C12orf42: variants seen among roughly 807,000 people sequenced by gnomAD.
C12orf42 encodes uncharacterized protein C12orf42.
In C12orf42, 25 loss-of-function variants were observed where a neutral mutation model predicts 21.6. The ratio of observed to expected loss-of-function variants is 1.16; its 90% CI spans 0.84 to 1.62. The LOEUF (loss-of-function observed/expected upper bound fraction) is 1.62, where lower values mean the gene tolerates loss of function less well. Among genes scored for constraint, C12orf42 ranks in the 40% most tolerant of loss-of-function variants. C12orf42 has a pLI of 0.00. For synonymous variants in C12orf42, 174 were observed against 175.0 expected (o/e 0.99, Z 0.05); for missense variants, 483 against 459.3 (o/e 1.05, Z -0.47).
At chr12:103,143,001 C>T in the C12orf42 span, among the ~76,000 whole-genome samples, 1 of 152,086 alleles carries the variant, frequency 6.6e-6, no homozygotes, top group Non-Finnish European at 1.5e-5. Flanking sequence ...ACAAAGGGGG[C>T]AAGGTTGGAG....
intron 2 of C12orf42, among the ~76,000 whole-genome samples, chr12:103,467,302 G>A (rs981527962): frequency 6.6e-6 from 1 of 152,086 alleles, no homozygotes; most frequent in African/African-American, 2.4e-5. Context: ...TTGCAACTTA[G>A]AATATCCTTC....
At chr12:103,089,511 A>T in the C12orf42 span, among the ~76,000 whole-genome samples, 2 of 151,456 alleles carry the variant, frequency 1.3e-5, no homozygotes, top group Non-Finnish European at 2.9e-5. Context: ...CGGTAATGAG[A>T]CTCCAATATT....
At chr12:103,352,518 GT>G (rs762709055) in intron 4 of C12orf42, among the ~76,000 whole-genome samples, 2 of 152,012 alleles carry the variant, frequency 1.3e-5, no homozygotes, top group Non-Finnish European at 2.9e-5. Flanking sequence ...TTCAATAAGG[GT>G]TTTCTAACTA....
intron 2 of C12orf42, among the ~76,000 whole-genome samples, chr12:103,439,668 C>T (rs1951043658): frequency 6.6e-6 from 1 of 151,664 alleles, no homozygotes; most frequent in African/African-American, 2.4e-5. Context: ...TGCTCATCAT[C>T]ACTGGCCATC....
chr12:103,080,859 C>T, the C12orf42 span: 1 of 152,094 alleles, frequency 6.6e-6, no homozygotes, highest in African/African-American at 2.4e-5. Context: ...TAATTATAAT[C>T]ACAGTTTTCA....
intron 4 of C12orf42, among the ~76,000 whole-genome samples, chr12:103,357,559 T>C (rs1049212366): frequency 1.3e-5 from 2 of 152,052 alleles, no homozygotes; most frequent in African/African-American, 4.8e-5. Flanking sequence ...AAACTCCTTC[T>C]TTGATCATTG....
chr12:103,175,604 GA>G, the C12orf42 span, among the ~76,000 whole-genome samples: 3 of 151,688 alleles, frequency 2.0e-5, no homozygotes, highest in Admixed American at 6.6e-5. Context: ...AATCCAAAGG[GA>G]AAAAAAATGG....
chr12:103,146,781 C>T, the C12orf42 span, among the ~76,000 whole-genome samples: 1 of 152,020 alleles, frequency 6.6e-6, no homozygotes, highest in African/African-American at 2.4e-5. Context: ...TATCTTTTTT[C>T]ACAATATGAG....
At chr12:103,430,811 C>T (rs1172100680) in intron 2 of C12orf42, among the ~76,000 whole-genome samples, 1 of 152,096 alleles carries the variant, frequency 6.6e-6, no homozygotes, top group African/African-American at 2.4e-5. Flanking sequence ...GTTTCCTTTG[C>T]AGGGACATGG....
intron 1 of C12orf42, among the ~76,000 whole-genome samples, chr12:103,493,364 T>C (rs1955304565): frequency 6.6e-6 from 1 of 152,152 alleles, no homozygotes; most frequent in South Asian, 2.1e-4. Flanking sequence ...AGCTCTTTTC[T>C]GCCTCAGGGC....
At chr12:103,475,315 T>A (rs1486798157) in intron 2 of C12orf42, among the ~76,000 whole-genome samples, 2 of 152,226 alleles carry the variant, frequency 1.3e-5, no homozygotes, top group African/African-American at 4.8e-5. Flanking sequence ...AATCTGTCAA[T>A]GTTCTAGTCA....
the C12orf42 span, among the ~76,000 whole-genome samples, chr12:103,556,914 G>A: frequency 6.6e-6 from 1 of 150,722 alleles, no homozygotes; most frequent in African/African-American, 2.5e-5. Flanking sequence ...AAAGATGGAT[G>A]CAGAGATTGT....
At chr12:103,137,631 T>A in the C12orf42 span, among the ~76,000 whole-genome samples, 3 of 152,118 alleles carry the variant, frequency 2.0e-5, no homozygotes, top group Non-Finnish European at 4.4e-5. Context: ...TAAGTATCCA[T>A]CAAAAGATAA....
intron 4 of C12orf42, among the ~76,000 whole-genome samples, chr12:103,289,599 T>C (rs970834718): frequency 5.9e-5 from 9 of 152,142 alleles, no homozygotes; most frequent in African/African-American, 2.2e-4. Flanking sequence ...AAATAGCAAA[T>C]TGGCTAATTA....
intron 10 of C12orf42, among the ~76,000 whole-genome samples, chr12:103,241,139 T>A (rs990049480): frequency 1.3e-5 from 2 of 150,964 alleles, no homozygotes. Flanking sequence ...AAACACACAA[T>A]GGCATTGTTT....
At chr12:103,055,940 T>A in the C12orf42 span, among the ~76,000 whole-genome samples, 1 of 152,200 alleles carries the variant, frequency 6.6e-6, no homozygotes, top group Non-Finnish European at 1.5e-5. Flanking sequence ...TTGGTTGAGA[T>A]TTGTTTTATG....
chr12:103,203,220 C>G, the C12orf42 span, among the ~76,000 whole-genome samples: 1 of 152,166 alleles, frequency 6.6e-6, no homozygotes, highest in South Asian at 2.1e-4. Flanking sequence ...TGTCACTCAT[C>G]CCCTGCAACT....
chr12:103,114,992 G>T, the C12orf42 span, among the ~76,000 whole-genome samples: 10 of 152,170 alleles, frequency 6.6e-5, no homozygotes, highest in South Asian at 2.1e-4. Context: ...CAATGTACTT[G>T]GTCTTTGCCG....
At position 103,305,945 on chromosome 12, in the gene C12orf42, A is replaced by C. The variant is rs137908805; in HGVS notation, c.631+29T>G. 360 of 1,567,606 alleles carry C rather than the reference A, an allele frequency of 2.3e-4. 4 individuals carry two copies. In the East Asian group the frequency reaches 8.0e-3, roughly 35 times the overall value. ...CAAAATGTGACCAGTTGAAACAAGAAGAGTCAGTAACCACAACATGATACT... is the reference window on the plus strand; with the variant it reads ...CAAAATGTGACCAGTTGAAACAAGACGAGTCAGTAACCACAACATGATACT... On this transcript the variant is annotated intron_variant, in intron 5 of 5. Transcript: ENST00000548883.
Sources: gnomAD v4.1 joint callset for allele counts (sites outside exome capture counted in the v4.1 genomes callset) on GRCh38, gnomAD v4.1.1 for gene constraint, MANE v1.5 for transcripts, NCBI Gene and HGNC (gene_info 2026-07-23, HGNC 2026-07-21) for gene names.